The following DPYD variants were observed in gnomAD, a reference collection of about 807,000 sequenced individuals.
The protein encoded by DPYD is dihydropyrimidine dehydrogenase [NADP(+)].
DPYD carries 109 observed loss-of-function variants against 116.2 expected under a neutral mutation model. That is an observed-to-expected ratio of 0.94 (90% CI 0.80 to 1.10). The LOEUF (loss-of-function observed/expected upper bound fraction) is 1.10, where lower values mean the gene tolerates loss of function less well. Among genes scored for constraint, DPYD ranks in the 50% least tolerant of loss-of-function variants. The pLI is 0.00. For missense variants in DPYD, 1,302 were observed against 1,254.5 expected, an observed-to-expected ratio of 1.04 and a Z score of -0.57; for synonymous variants, 440 against 432.0, an observed-to-expected ratio of 1.02 and a Z score of -0.23.
At chr1:97,368,927 T>C (rs1671175885) in intron 16 of DPYD, among the ~76,000 whole-genome samples, 1 of 152,126 alleles carries the variant, frequency 6.6e-6, no homozygotes, top group Non-Finnish European at 1.5e-5. Flanking sequence ...AATAATAGGA[T>C]TTTTTTGCCA....
chr1:97,658,854 A>T (rs886446879), intron 8 of DPYD, among the ~76,000 whole-genome samples: 2 of 152,182 alleles, frequency 1.3e-5, no homozygotes, highest in African/African-American at 2.4e-5. Flanking sequence ...AAGACTAAAA[A>T]ATTGGACTGT....
intron 18 of DPYD, among the ~76,000 whole-genome samples, chr1:97,267,411 C>T (rs1219829545): frequency 6.6e-6 from 1 of 152,090 alleles, no homozygotes; most frequent in Admixed American, 6.6e-5. Context: ...AGATCAGATT[C>T]ATTTCTTACA....
chr1:97,758,936 T>C (rs551132751), intron 3 of DPYD, among the ~76,000 whole-genome samples: 1 of 152,328 alleles, frequency 6.6e-6, no homozygotes, highest in South Asian at 2.1e-4. Flanking sequence ...AGCCACTTAA[T>C]CTTTCTAACA....
Position 97,691,748 on chromosome 1 carries a change from T to G in DPYD, c.731A>C (p.Glu244Ala), listed in dbSNP as rs1185250556. 6.2e-6 allele frequency: 10 copies of G among 1,613,784 alleles called. No homozygotes were observed. The highest frequency in any genetic ancestry group is 8.5e-6 in the Non-Finnish European group (10 of 1,179,798). ...ACCAAGGTCCTTCATTAGCTCAATCTCAAAATTCACTACATCATACGGCAG... is the reference window on the plus strand; with the variant it reads ...ACCAAGGTCCTTCATTAGCTCAATCGCAAAATTCACTACATCATACGGCAG... Reference protein sequence around the residue: ...FRLPYDVVNFEIELMKDLGVK... With the variant: ...FRLPYDVVNFAIELMKDLGVK... The change falls in exon 7 of 23, where the codon GAG becomes GCG. Residue 244 changes from glutamate (E) to alanine (A), a missense_variant. Coordinates refer to ENST00000370192, the MANE Select transcript of DPYD (RefSeq NM_000110.4).
chr1:97,295,838 A>C, intron 18 of DPYD: 1 of 795,520 alleles, frequency 1.3e-6, no homozygotes, highest in Non-Finnish European at 1.5e-6. Flanking sequence ...TGTGAAGATT[A>C]AGTGAAATAT....
At chr1:97,155,257 AG>A (rs1281042528) in intron 20 of DPYD, among the ~76,000 whole-genome samples, 1 of 152,222 alleles carries the variant, frequency 6.6e-6, no homozygotes, top group Admixed American at 6.5e-5. Context: ...CTAAAATCAA[AG>A]GCTTTTCACA....
intron 19 of DPYD, among the ~76,000 whole-genome samples, chr1:97,195,425 C>A (rs1436870805): frequency 2.0e-5 from 3 of 148,922 alleles, no homozygotes; most frequent in Non-Finnish European, 4.5e-5. Flanking sequence ...AAGCCTCGTG[C>A]CTAGCATGCT....
chr1:97,818,446 A>G (rs1219957905), intron 3 of DPYD, among the ~76,000 whole-genome samples: 1 of 152,038 alleles, frequency 6.6e-6, no homozygotes, highest in Non-Finnish European at 1.5e-5. Context: ...TCACCTTTGA[A>G]TTCTAATTCA....
At chr1:97,627,447 G>A (rs764066436) in intron 8 of DPYD, among the ~76,000 whole-genome samples, 2 of 152,006 alleles carry the variant, frequency 1.3e-5, no homozygotes, top group African/African-American at 2.4e-5. Flanking sequence ...CTGAGAGCAC[G>A]AGGAAGCCAG....
chr1:97,454,908 A>G (rs961840637), intron 13 of DPYD, among the ~76,000 whole-genome samples: 2 of 151,946 alleles, frequency 1.3e-5, no homozygotes, highest in African/African-American at 4.8e-5. Flanking sequence ...AAGAAATAAA[A>G]TTTGCAAAGT....
chr1:97,346,028 C>T (rs1302980986), intron 16 of DPYD, among the ~76,000 whole-genome samples: 1 of 151,610 alleles, frequency 6.6e-6, no homozygotes, highest in Non-Finnish European at 1.5e-5. Context: ...ATTTCTCATT[C>T]CTTTGCTTTT....
intron 10 of DPYD, among the ~76,000 whole-genome samples, chr1:97,577,114 C>CT (rs1653314457): frequency 6.6e-6 from 1 of 152,158 alleles, no homozygotes; most frequent in Non-Finnish European, 1.5e-5. Flanking sequence ...ATAGTGAATG[C>CT]TTATCATTTT....
At chr1:97,808,111 A>G (rs931758332) in intron 3 of DPYD, among the ~76,000 whole-genome samples, 14 of 152,092 alleles carry the variant, frequency 9.2e-5, no homozygotes, top group African/African-American at 3.4e-4. Context: ...CTGCTTTTCT[A>G]TATAAGGTTT....
At chr1:97,525,895 CGTGTGTGT>C (rs34460898) in intron 12 of DPYD, among the ~76,000 whole-genome samples, 2 of 127,192 alleles carry the variant, frequency 1.6e-5, no homozygotes, top group Admixed American at 7.9e-5. Flanking sequence ...TGCGCGCGCG[CGTGTGTGT>C]GTGTGTGTGT....
chr1:97,689,785 A>G (rs1660920328), intron 7 of DPYD, among the ~76,000 whole-genome samples: 2 of 152,110 alleles, frequency 1.3e-5, no homozygotes, highest in Admixed American at 1.3e-4. Flanking sequence ...TTCGTAAATC[A>G]TAAAAGCTGC....
chr1:97,536,740 C>T (rs1290314931), intron 12 of DPYD, among the ~76,000 whole-genome samples: 4 of 152,198 alleles, frequency 2.6e-5, no homozygotes, highest in Admixed American at 6.5e-5. Context: ...ACCCAGATTT[C>T]ACAGGGGCTG....
chr1:97,564,682 T>C (rs1652393184), intron 11 of DPYD, among the ~76,000 whole-genome samples: 1 of 152,114 alleles, frequency 6.6e-6, no homozygotes, highest in Non-Finnish European at 1.5e-5. Flanking sequence ...ACCTCCCAGC[T>C]AGCTACCCCA....
intron 21 of DPYD, 113 bp downstream of exon 21, chr1:97,098,376 A>G: frequency 7.7e-7 from 1 of 1,293,990 alleles, no homozygotes; most frequent in Non-Finnish European, 1.1e-6. Context: ...AACTTTCATT[A>G]TAATTCTAAA....
chr1:97,600,235 T>C (rs779506035), intron 8 of DPYD, among the ~76,000 whole-genome samples: 1 of 152,148 alleles, frequency 6.6e-6, no homozygotes, highest in Admixed American at 6.5e-5. Flanking sequence ...TGATGGCAAA[T>C]ACCGTAAGTT....
Sources: gnomAD v4.1 joint callset for allele counts (sites outside exome capture counted in the v4.1 genomes callset) on GRCh38, gnomAD v4.1.1 for gene constraint, MANE v1.5 for transcripts, NCBI Gene and HGNC (gene_info 2026-07-23, HGNC 2026-07-21) for gene names.